Variants in PDE4D observed in about 807,000 individuals in gnomAD.
PDE4D encodes the protein phosphodiesterase 4D.
Under a neutral mutation model 87.4 loss-of-function variants are expected in PDE4D, and 24 were observed. The observed-to-expected ratio is 0.27, with a 90% confidence interval of 0.20 to 0.39. The LOEUF (loss-of-function observed/expected upper bound fraction) is 0.39, where lower values mean the gene tolerates loss of function less well. PDE4D is among the 10% of genes least tolerant of loss of function. The pLI is 1.00. For missense variants in PDE4D, 714 were observed against 1,041.0 expected (o/e 0.69, Z 4.32); for synonymous variants, 384 against 383.2 (o/e 1.00, Z -0.02).
At chr5:60,266,106 G>A (rs1750180280) in intron 1 of PDE4D, among the ~76,000 whole-genome samples, 1 of 152,052 alleles carries the variant, frequency 6.6e-6, no homozygotes, top group Non-Finnish European at 1.5e-5. Context: ...GGAAGAAGGA[G>A]CAGACATTTA....
chr5:60,231,229 C>T (rs539127407), intron 1 of PDE4D, among the ~76,000 whole-genome samples: 4 of 151,980 alleles, frequency 2.6e-5, no homozygotes, highest in Admixed American at 6.6e-5. Flanking sequence ...TCTTGGTGCA[C>T]GACACTGTCC....
intron 1 of PDE4D, among the ~76,000 whole-genome samples, chr5:59,709,557 A>G (rs1753913171): frequency 6.6e-6 from 1 of 152,182 alleles, no homozygotes; most frequent in African/African-American, 2.4e-5. Context: ...GCTGCTCTTT[A>G]GTCACAAACT....
At chr5:60,154,892 G>A (rs1490969046) in intron 2 of PDE4D, among the ~76,000 whole-genome samples, 1 of 152,162 alleles carries the variant, frequency 6.6e-6, no homozygotes, top group East Asian at 1.9e-4. Flanking sequence ...CTTTTAAAAT[G>A]TAGTTGCAAC....
At chr5:59,079,323 T>G (rs755762463) in intron 5 of PDE4D, among the ~76,000 whole-genome samples, 1 of 152,068 alleles carries the variant, frequency 6.6e-6, no homozygotes, top group African/African-American at 2.4e-5. Flanking sequence ...TCTTAGGAAA[T>G]AGAGAAAAAT....
chr5:59,069,654 C>A (rs1447634658), intron 5 of PDE4D, among the ~76,000 whole-genome samples: 1 of 152,108 alleles, frequency 6.6e-6, no homozygotes, highest in Non-Finnish European at 1.5e-5. Flanking sequence ...GAATGACTCA[C>A]AGTTCCAGAT....
At chr5:60,302,556 T>C (rs1753997474) in intron 1 of PDE4D, among the ~76,000 whole-genome samples, 1 of 152,192 alleles carries the variant, frequency 6.6e-6, no homozygotes, top group Admixed American at 6.5e-5. Context: ...GATCCTTCTC[T>C]CTTTTATTCT....
Position 59,156,320 on chromosome 5 carries a change from AAT to A in PDE4D, c.808+24273_808+24274del, listed in dbSNP as rs1554082853. On this transcript the variant is annotated intron_variant, in intron 5 of 14. Transcript: ENST00000340635. ...CTAGAGACTTGCCAGAAAAAAAAAA[AAT>A]ATATATATATGTGTGTGTGTGTGTG... Among the ~76,000 whole-genome samples the A allele has an allele frequency of 2.1e-4, 17 of 81,772 alleles. 1 individual carries two copies. The East Asian group carries it at 3.5e-3, about 17-fold the overall frequency. 53.6% of individuals were successfully genotyped at this position (81,772 alleles called of 152,430 possible). A position where few individuals can be genotyped will look rare whatever the true frequency, so the allele number is the denominator to read the frequency against.
At chr5:59,429,713 T>TTGGACATATTAGTTAAC (rs1321836306) in intron 1 of PDE4D, among the ~76,000 whole-genome samples, 13 of 152,126 alleles carry the variant, frequency 8.5e-5, no homozygotes, top group Non-Finnish European at 1.8e-4. Context: ...GGGGTGACTT[T>TTGGACATATTAGTTAAC]TGGACATATT....
chr5:59,161,276 G>A (rs1340678157), intron 5 of PDE4D, among the ~76,000 whole-genome samples: 1 of 152,156 alleles, frequency 6.6e-6, no homozygotes, highest in African/African-American at 2.4e-5. Flanking sequence ...GCTTGTTTTT[G>A]TACATTTTAG....
At chr5:60,112,053 T>C (rs902965279) in intron 2 of PDE4D, among the ~76,000 whole-genome samples, 7 of 152,054 alleles carry the variant, frequency 4.6e-5, no homozygotes, top group Admixed American at 6.6e-5. Flanking sequence ...ACCTGACTTA[T>C]GGAAAATTCC....
chr5:59,787,593 AC>A (rs1765312905), intron 1 of PDE4D, among the ~76,000 whole-genome samples: 1 of 152,224 alleles, frequency 6.6e-6, no homozygotes. Flanking sequence ...GGATAGATGG[AC>A]AGATAAATGG....
chr5:59,751,010 C>T (rs1021930088), intron 1 of PDE4D, among the ~76,000 whole-genome samples: 2 of 149,240 alleles, frequency 1.3e-5, no homozygotes, highest in African/African-American at 4.9e-5. Context: ...TCATTCAGTT[C>T]TCTATCTCCA....
chr5:59,935,298 AG>A (rs1756444184), intron 3 of PDE4D, among the ~76,000 whole-genome samples: 1 of 152,242 alleles, frequency 6.6e-6, no homozygotes, highest in East Asian at 1.9e-4. Context: ...GGCATGACTT[AG>A]GGGTTGAGAA....
At chr5:59,400,114 AAC>A (rs1790298248) in intron 1 of PDE4D, among the ~76,000 whole-genome samples, 1 of 110,238 alleles carries the variant, frequency 9.1e-6, no homozygotes, top group African/African-American at 3.9e-5. Flanking sequence ...GAGAAATAGG[AAC>A]ACTTTTACAC....
At chr5:59,396,322 C>A (rs1363323909) in intron 1 of PDE4D, among the ~76,000 whole-genome samples, 1 of 98,530 alleles carries the variant, frequency 1.0e-5, no homozygotes, top group Non-Finnish European at 2.0e-5. Flanking sequence ...ATGTTAAGGG[C>A]AGCCAGAGAG....
At chr5:59,443,555 G>A (rs981240396) in intron 1 of PDE4D, among the ~76,000 whole-genome samples, 15 of 152,124 alleles carry the variant, frequency 9.9e-5, no homozygotes, top group East Asian at 5.8e-4. Flanking sequence ...AGAAAAGGCC[G>A]GGTCATCTGA....
At chr5:59,024,713 A>G (rs897676122) in intron 6 of PDE4D, among the ~76,000 whole-genome samples, 2 of 152,226 alleles carry the variant, frequency 1.3e-5, no homozygotes, top group African/African-American at 4.8e-5. Flanking sequence ...TGTACAATAA[A>G]TAAACAGACA....
chr5:59,793,250 A>G (rs1766033792), intron 1 of PDE4D, among the ~76,000 whole-genome samples: 1 of 152,224 alleles, frequency 6.6e-6, no homozygotes, highest in African/African-American at 2.4e-5. Context: ...ACTTTTGTCT[A>G]TAGTGATGAT....
At chr5:59,669,343 C>T (rs1177570940) in intron 1 of PDE4D, among the ~76,000 whole-genome samples, 1 of 152,164 alleles carries the variant, frequency 6.6e-6, no homozygotes, top group East Asian at 1.9e-4. Flanking sequence ...AACTCCCGAC[C>T]TCAGGTTATC....
Sources: allele counts gnomAD v4.1 joint callset (sites outside exome capture counted in the v4.1 genomes callset), GRCh38; gene constraint gnomAD v4.1.1; transcripts MANE v1.5; gene names NCBI Gene and HGNC (gene_info 2026-07-23, HGNC 2026-07-21).